Variants in ZNF521 observed in about 807,000 individuals in gnomAD.
ZNF521 encodes zinc finger protein 521, also known as LYST-interacting protein 3.
ZNF521 carries 14 observed loss-of-function variants against 105.5 expected under a neutral mutation model. That is an observed-to-expected ratio of 0.13 (90% CI 0.09 to 0.21). ZNF521 has a LOEUF of 0.21. Among genes scored for constraint, ZNF521 ranks in the 10% least tolerant of loss-of-function variants. The pLI is 1.00. For missense variants in ZNF521, 1,233 were observed against 1,629.7 expected, an observed-to-expected ratio of 0.76 and a Z score of 4.19; for synonymous variants, 635 against 606.0, an observed-to-expected ratio of 1.05 and a Z score of -0.70.
At chr18:25,241,406 C>G (rs531243954) in intron 3 of ZNF521, among the ~76,000 whole-genome samples, 2 of 152,080 alleles carry the variant, frequency 1.3e-5, no homozygotes, top group Admixed American at 1.3e-4. Flanking sequence ...CATGGTGGCT[C>G]GAACAATCTA....
At chr18:25,151,146 G>A (rs903886814) in intron 5 of ZNF521, among the ~76,000 whole-genome samples, 5 of 151,858 alleles carry the variant, frequency 3.3e-5, no homozygotes, top group South Asian at 2.1e-4. Context: ...CCTCTTCATC[G>A]CCCTAAAAAT....
chr18:25,067,880 T>C (rs1036483240), intron 7 of ZNF521, among the ~76,000 whole-genome samples: 1 of 151,538 alleles, frequency 6.6e-6, no homozygotes, highest in Non-Finnish European at 1.5e-5. Context: ...TCAGTGGTCA[T>C]AAAAACAAAA....
chr18:25,247,534 G>A (rs1382119070), intron 3 of ZNF521, among the ~76,000 whole-genome samples: 6 of 152,202 alleles, frequency 3.9e-5, no homozygotes, highest in East Asian at 1.9e-4. Context: ...AATTCTTATC[G>A]CATTGGACTA....
At chr18:25,272,565 C>T (rs1328676283) in intron 3 of ZNF521, among the ~76,000 whole-genome samples, 15 of 152,152 alleles carry the variant, frequency 9.9e-5, no homozygotes, top group Non-Finnish European at 2.1e-4. Flanking sequence ...ATATACACCA[C>T]GGAATACTAT....
At chr18:25,273,814 T>A (rs1005125261) in intron 3 of ZNF521, among the ~76,000 whole-genome samples, 1 of 152,188 alleles carries the variant, frequency 6.6e-6, no homozygotes, top group African/African-American at 2.4e-5. Context: ...ACAGGCCTTA[T>A]TATAAGAAAT....
At chr18:25,293,283 G>A (rs539201541) in intron 3 of ZNF521, among the ~76,000 whole-genome samples, 3 of 151,550 alleles carry the variant, frequency 2.0e-5, no homozygotes, top group African/African-American at 7.3e-5. Context: ...TCTACCTTTC[G>A]CCCAGATGAG....
In ZNF521 at chr18:25,190,733, C is replaced by T. The variant is rs138568283; in HGVS notation, c.3658+4427G>A. The stretch of plus-strand genomic sequence containing the variant: ...TTGCAGGAAGTATGAATGCCACCTG[C>T]CACAAGAACAGACTAAAATTTCACC... On this transcript the variant is annotated intron_variant, in intron 5 of 7. Coordinates refer to ENST00000361524, the MANE Select transcript of ZNF521 (RefSeq NM_015461.3). Among the ~76,000 whole-genome samples the T allele has an allele frequency of 2.9e-4, 44 of 152,290 alleles. No homozygotes were observed. The East Asian group carries it at 7.3e-3, about 25-fold the overall frequency.
intron 5 of ZNF521, among the ~76,000 whole-genome samples, chr18:25,153,458 C>T (rs55664223): frequency 0.25 from 37,305 of 152,048 alleles, 5,595 homozygotes; most frequent in East Asian, 0.34. Flanking sequence ...TTAAAAGCCT[C>T]AAGCTCGTCC....
chr18:25,096,922 C>G (rs2033863423), intron 5 of ZNF521, among the ~76,000 whole-genome samples: 1 of 152,164 alleles, frequency 6.6e-6, no homozygotes, highest in Admixed American at 6.5e-5. Flanking sequence ...ACAGAGGAAT[C>G]AAATGCCCTA....
intron 3 of ZNF521, among the ~76,000 whole-genome samples, chr18:25,244,688 A>G (rs1273518186): frequency 2.0e-5 from 3 of 152,226 alleles, no homozygotes; most frequent in Non-Finnish European, 4.4e-5. Context: ...CTTTATGTGA[A>G]CTGCAAAAGG....
chr18:25,243,698 G>A (rs374647861), intron 3 of ZNF521, among the ~76,000 whole-genome samples: 1 of 152,220 alleles, frequency 6.6e-6, no homozygotes, highest in Middle Eastern at 3.4e-3. Context: ...TGATTAATGT[G>A]GATTATTCAA....
chr18:25,281,974 G>C (rs917259824), intron 3 of ZNF521, among the ~76,000 whole-genome samples: 2 of 151,834 alleles, frequency 1.3e-5, no homozygotes, highest in African/African-American at 4.8e-5. Context: ...AAAGCTTTTT[G>C]CCTTTTGTTC....
chr18:25,332,916 C>T (rs1376403698), intron 2 of ZNF521, among the ~76,000 whole-genome samples: 1 of 152,084 alleles, frequency 6.6e-6, no homozygotes, highest in African/African-American at 2.4e-5. Flanking sequence ...ACGTGTACGC[C>T]ATTATCATAG....
chr18:25,309,768 G>A lies in ZNF521; in HGVS notation c.220+12240C>T, dbSNP rs555310959. On this transcript the variant is annotated intron_variant, in intron 3 of 7. Coordinates refer to ENST00000361524, the MANE Select transcript of ZNF521 (RefSeq NM_015461.3). ...TCAACCTGATAATTTAATTATGAGG[G>A]GGAACAGTTTTATAAAACAGAAGAA... 3.3e-3 allele frequency among the ~76,000 whole-genome samples: 499 copies of A among 152,084 alleles called. 2 individuals carry two copies. The highest frequency in any genetic ancestry group is 0.012 in the African/African-American group (483 of 41,496).
At chr18:25,247,939 A>C (rs1459811810) in intron 3 of ZNF521, among the ~76,000 whole-genome samples, 1 of 152,148 alleles carries the variant, frequency 6.6e-6, no homozygotes, top group East Asian at 1.9e-4. Context: ...TGATGAGGGA[A>C]GGAGAAATGC....
At chr18:25,160,399 T>C (rs774042065) in intron 5 of ZNF521, among the ~76,000 whole-genome samples, 2 of 152,206 alleles carry the variant, frequency 1.3e-5, no homozygotes, top group Non-Finnish European at 2.9e-5. Context: ...AATTCCACAC[T>C]ACGTGATTAA....
intron 2 of ZNF521, among the ~76,000 whole-genome samples, chr18:25,348,916 AATC>A (rs1290526637): frequency 1.3e-5 from 2 of 152,234 alleles, no homozygotes; most frequent in African/African-American, 4.8e-5. Context: ...CATGAGAAGA[AATC>A]ATCTTCAGGA....
Position 25,224,742 on chromosome 18 carries a change from T to C in ZNF521, c.3176A>G (p.Gln1059Arg), listed in dbSNP as rs1029232658. ...GSAVQTTGRG[Q>R]HVQKLYKCAS... ...GCACTTATACAGTTTTTGGACGTGC[T>C]GGCCCCGCCCTGTGGTCTGAACTGC... is the stretch of plus-strand genomic sequence containing the variant. The change falls in exon 4 of 8, where the codon CAG (glutamine) becomes CGG (arginine). Residue 1059 changes from glutamine to arginine, a missense_variant. Physicochemically the swap from Gln to Arg is conservative, Grantham distance 43. Around this residue, in one of 6 missense-constraint regions of ZNF521, gnomAD observed 614 missense variants for 751.5 expected, o/e 0.82. Transcript: ENST00000361524. 4 of 1,613,926 alleles carry C rather than the reference T, an allele frequency of 2.5e-6. No individual in the cohort carries two copies. The African/African-American group carries it at 4.0e-5, about 16-fold the overall frequency.
At chr18:25,338,285 G>GTGTA (rs1235313552) in intron 2 of ZNF521, among the ~76,000 whole-genome samples, 1 of 151,784 alleles carries the variant, frequency 6.6e-6, no homozygotes, top group Non-Finnish European at 1.5e-5. Context: ...GTGTGTGTGT[G>GTGTA]TGTGTGTGTG....
Sources: gnomAD v4.1 joint callset for allele counts (sites outside exome capture counted in the v4.1 genomes callset) on GRCh38, gnomAD v4.1.1 for gene constraint, gnomAD v4.1.1 regional missense constraint, MANE v1.5 for transcripts, NCBI Gene and HGNC (gene_info 2026-07-23, HGNC 2026-07-21) for gene names.